DYRK2: variants seen among roughly 807,000 people sequenced by gnomAD.
DYRK2 encodes the protein dual specificity tyrosine phosphorylation regulated kinase 2, also known as dual specificity tyrosine-phosphorylation-regulated kinase 2.
Under a neutral mutation model 41.6 loss-of-function variants are expected in DYRK2, and 12 were observed. The observed-to-expected ratio is 0.29, with a 90% CI of 0.18 to 0.47. DYRK2 has a LOEUF of 0.47. Among genes scored for constraint, DYRK2 ranks in the 20% least tolerant of loss-of-function variants. The pLI is 1.00. For synonymous variants in DYRK2, 322 were observed against 315.7 expected (o/e 1.02, Z -0.21); for missense variants, 678 against 798.4 (o/e 0.85, Z 1.82).
intron 2 of DYRK2, among the ~76,000 whole-genome samples, chr12:67,654,336 C>T (rs1565803252): frequency 6.6e-6 from 1 of 152,196 alleles, no homozygotes; most frequent in Admixed American, 6.5e-5. Flanking sequence ...GCCTTGTGTT[C>T]TTACTGGTAA....
rs907929447 is a variant in DYRK2, at chr12:67,664,828, C to A, written c.*6115C>A. 2.6e-5 allele frequency: 4 copies of A among 152,042 alleles called. No individual in the cohort carries two copies. Among genetic ancestry groups the A allele is most frequent in the Non-Finnish European group, 5.9e-5 (4 of 67,976 alleles). The allele number at this position is 152,042 out of a possible 1,614,324, so 9.4% of individuals were successfully genotyped here. A position where few individuals can be genotyped will look rare whatever the true frequency, so the allele number is the denominator to read the frequency against. ...AATAACTTAATGCATGTGCACACAC[C>A]CTCAGTTAATTTGTAAGAGAGTGAC... On this transcript the variant is annotated 3_prime_UTR_variant, in exon 3 of 3. Transcript: ENST00000344096.
chr12:67,658,316 T>C lies in DYRK2; in HGVS notation c.1409T>C (p.Leu470Pro). ...GYPRYCTVTT[L>P]SDGSVVLNGG... ...CCCCGTTACTGCACTGTCACGACTC[T>C]CTCAGATGGCTCTGTGGTCCTAAAC... Residue 470 changes from leucine to proline, a missense_variant, in exon 3 of 3, where the codon CTC (leucine) becomes CCC (proline). Physicochemically the swap from Leu to Pro is moderately conservative, Grantham distance 98. Coordinates refer to ENST00000344096, the MANE Select transcript of DYRK2 (RefSeq NM_006482.3). The surrounding 1 kb of genome is among the most constrained non-coding windows in gnomAD (Gnocchi z 4.3). The C allele has an allele frequency of 6.2e-7, 1 of 1,614,186 alleles. No individual in the cohort carries two copies. Among genetic ancestry groups the C allele is most frequent in the Non-Finnish European group, 8.5e-7 (1 of 1,180,028 alleles).
chr12:67,650,107 G>C (rs1872273351), intron 2 of DYRK2, among the ~76,000 whole-genome samples, 162 bp downstream of exon 2: 1 of 152,368 alleles, frequency 6.6e-6, no homozygotes, highest in African/African-American at 2.4e-5. Context: ...CCCTGGTTAA[G>C]TTGGGCGAGC....
intron 2 of DYRK2, among the ~76,000 whole-genome samples, chr12:67,653,390 A>G (rs1054512230): frequency 6.6e-6 from 1 of 152,208 alleles, no homozygotes; most frequent in Non-Finnish European, 1.5e-5. Flanking sequence ...GAGTCCTGCA[A>G]TGTTTGAGAT....
chr12:67,649,002 G>A lies in DYRK2; in HGVS notation c.-132G>A, dbSNP rs1473506924. On this transcript the variant is annotated 5_prime_UTR_variant, in exon 1 of 3. Transcript: ENST00000344096. ...CTGTGTGTGTCTGGCTGTAGCAGAC[G>A]CGAGGCGGCGACGAGGCGCCGGGGA... 3 of 668,104 alleles carry A rather than the reference G, an allele frequency of 4.5e-6. No individual in the cohort carries two copies. Among genetic ancestry groups the A allele is most frequent in the South Asian group, 5.9e-5 (2 of 33,698 alleles). The allele number at this position is 668,104 out of a possible 1,614,324, so 41.4% of individuals were successfully genotyped here. A position where few individuals can be genotyped will look rare whatever the true frequency, so the allele number is the denominator to read the frequency against.
At chr12:67,651,611 T>C (rs530814439) in intron 2 of DYRK2, 48 of 456,086 alleles carry the variant, frequency 1.1e-4, no homozygotes, top group African/African-American at 7.8e-4. Flanking sequence ...TTTTAACGTG[T>C]GTGTAAACTT....
rs544989474 is a variant in DYRK2 at position 67,661,097 on chromosome 12, C to CT, written c.*2396dup. On this transcript the variant is annotated 3_prime_UTR_variant, in exon 3 of 3. Coordinates refer to ENST00000344096, the MANE Select transcript of DYRK2 (RefSeq NM_006482.3). Reference sequence around the variant, plus strand: ...TATAATAATGTGCAGCACTGTAGGGCTTTTTTTTTTTTCCCTCCAAATACA... The same window carrying CT: ...TATAATAATGTGCAGCACTGTAGGGCTTTTTTTTTTTTTCCCTCCAAATACA... The CT allele has an allele frequency of 4.7e-3, 734 of 154,836 alleles. No individual in the cohort carries two copies. Among genetic ancestry groups the CT allele is most frequent in the African/African-American group, 0.012 (462 of 39,374 alleles). 9.6% of individuals were successfully genotyped at this position (154,836 alleles called of 1,614,324 possible).
At chr12:67,655,780 C>A (rs750786308) in intron 2 of DYRK2, among the ~76,000 whole-genome samples, 1 of 152,198 alleles carries the variant, frequency 6.6e-6, no homozygotes, top group African/African-American at 2.4e-5. Context: ...GTTGGAATTT[C>A]ATTTTGTAAT....
At chr12:67,652,229 T>G (rs1309762352) in intron 2 of DYRK2, among the ~76,000 whole-genome samples, 2 of 152,200 alleles carry the variant, frequency 1.3e-5, no homozygotes, top group African/African-American at 4.8e-5. Context: ...TGTTTTACAC[T>G]TTAGTTATTT....
chr12:67,650,933 C>T (rs1872303986), intron 2 of DYRK2, among the ~76,000 whole-genome samples: 1 of 152,152 alleles, frequency 6.6e-6, no homozygotes, highest in Non-Finnish European at 1.5e-5. Flanking sequence ...AGGCCATCTC[C>T]GGTCTACAGG....
rs959655334 is a variant in DYRK2, at chr12:67,660,851, C to T, written c.*2138C>T. 2 of 166,816 alleles carry T rather than the reference C, an allele frequency of 1.2e-5. No homozygotes were observed. Among genetic ancestry groups the T allele is most frequent in the African/African-American group, 4.8e-5 (2 of 41,424 alleles). The allele number at this position is 166,816 out of a possible 1,614,324, so 10.3% of individuals were successfully genotyped here. A position where few individuals can be genotyped will look rare whatever the true frequency, so the allele number is the denominator to read the frequency against. The stretch of plus-strand genomic sequence containing the variant: ...AATGCTGTTTTGCTCTTCTAATGCT[C>T]CTCTTCCATTTCCAGTTATCTTCAC... On this transcript the variant is annotated 3_prime_UTR_variant, in exon 3 of 3. Transcript: ENST00000344096.
chr12:67,649,883 C>T lies in DYRK2; in HGVS notation c.136C>T (p.Pro46Ser), dbSNP rs1312883630. ...CACCCGGAGCGGAGTGGGGACTGGC[C>T]CGCCCTCCCCCATCGCCCTGCCGCC... ...GATRSGVGTG[P>S]PSPIALPPLR... is the part of the protein sequence containing the mutation. The change falls in exon 2 of 3, where the codon CCG becomes TCG. Residue 46 changes from proline (P) to serine (S), a missense_variant. Pro to Ser is a moderately conservative substitution (Grantham distance 74). Coordinates refer to ENST00000344096, the MANE Select transcript of DYRK2 (RefSeq NM_006482.3). The T allele has an allele frequency of 7.2e-7, 1 of 1,379,672 alleles. No individual in the cohort carries two copies. Among genetic ancestry groups the T allele is most frequent in the Non-Finnish European group, 9.3e-7 (1 of 1,070,270 alleles). The allele number at this position is 1,379,672 out of a possible 1,614,324, so 85.5% of individuals were successfully genotyped here. A position where few individuals can be genotyped will look rare whatever the true frequency, so the allele number is the denominator to read the frequency against.
rs1188235636 is a variant in DYRK2, at chr12:67,659,171, A to G, written c.*458A>G. 6.0e-6 allele frequency: 1 copy of G among 167,494 alleles called. No homozygotes were observed. Among genetic ancestry groups the G allele is most frequent in the Non-Finnish European group, 1.5e-5 (1 of 68,458 alleles). The allele number at this position is 167,494 out of a possible 1,614,324, so 10.4% of individuals were successfully genotyped here. A position where few individuals can be genotyped will look rare whatever the true frequency, so the allele number is the denominator to read the frequency against. On this transcript the variant is annotated 3_prime_UTR_variant, in exon 3 of 3. Coordinates refer to ENST00000344096, the MANE Select transcript of DYRK2 (RefSeq NM_006482.3). ...CATGTCCTGCTTCCGTTTTTCATAA[A>G]TTAATCTGGGTGTTGGGGGTAGTGG...
chr12:67,657,890 T>G lies in DYRK2; in HGVS notation c.983T>G (p.Phe328Cys). Reference protein sequence around the residue: ...QGFSLPLVRKFAHSILQCLDA... With the variant: ...QGFSLPLVRKCAHSILQCLDA... ...TTCAGTCTGCCTTTGGTTCGCAAGT[T>G]TGCCCACTCGATTCTGCAGTGCTTG... The change falls in exon 3 of 3, where the codon TTT becomes TGT. Residue 328 changes from phenylalanine to cysteine, a missense_variant. Coordinates refer to ENST00000344096, the MANE Select transcript of DYRK2 (RefSeq NM_006482.3). The surrounding 1 kb of genome is among the most constrained non-coding windows in gnomAD (Gnocchi z 4.8). 6.2e-7 allele frequency: 1 copy of G among 1,614,228 alleles called. No individual in the cohort carries two copies. The highest frequency in any genetic ancestry group is 2.2e-5 in the East Asian group (1 of 44,888).
At chr12:67,655,643 A>G (rs765458162) in intron 2 of DYRK2, among the ~76,000 whole-genome samples, 9 of 152,208 alleles carry the variant, frequency 5.9e-5, no homozygotes, top group Non-Finnish European at 1.3e-4. Context: ...ACAGGCCCCA[A>G]GTATTGTCTT....
At position 67,650,239 on chromosome 12, in the gene DYRK2, A is replaced by C. The variant is rs539325735; in HGVS notation, c.198+294A>C. 2.6e-5 allele frequency among the ~76,000 whole-genome samples: 4 copies of C among 151,752 alleles called. No homozygotes were observed. In the South Asian group the frequency reaches 8.4e-4, roughly 32 times the overall value. On this transcript the variant is annotated intron_variant, in intron 2 of 2. Transcript: ENST00000344096. ...TCCTTGCTGCTTTCCTTCTTTCCTC[A>C]TTTTTCGTCCTTGCATCCCAGAGTT...
chr12:67,664,735 G>A lies in DYRK2; in HGVS notation c.*6022G>A, dbSNP rs1872705187. ...TATTTAAGTTACATATCAGTTTCCA[G>A]GAATATTTTTCAAATGGGACAAACT... On this transcript the variant is annotated 3_prime_UTR_variant, in exon 3 of 3. Transcript: ENST00000344096. 1 of 152,128 alleles carries A rather than the reference G, an allele frequency of 6.6e-6. No individual in the cohort carries two copies. The highest frequency in any genetic ancestry group is 1.9e-4 in the East Asian group (1 of 5,196). 9.4% of individuals were successfully genotyped at this position (152,128 alleles called of 1,614,324 possible). A position where few individuals can be genotyped will look rare whatever the true frequency, so the allele number is the denominator to read the frequency against.
At chr12:67,649,254 G>A in intron 1 of DYRK2, 72 bp downstream of exon 1, 1 of 1,205,328 alleles carries the variant, frequency 8.3e-7, no homozygotes, top group Non-Finnish European at 1.0e-6. Context: ...TGGCGCGGGC[G>A]GCCGCTGCCT....
At chr12:67,656,632 C>T (rs928642554) in intron 2 of DYRK2, among the ~76,000 whole-genome samples, 5 of 152,210 alleles carry the variant, frequency 3.3e-5, no homozygotes, top group East Asian at 3.9e-4. Flanking sequence ...CAGGATAGAG[C>T]TCTAGGTATT....
Sources: gnomAD v4.1 joint callset for allele counts (sites outside exome capture counted in the v4.1 genomes callset) on GRCh38, gnomAD v4.1.1 for gene constraint, Gnocchi (gnomAD v3.1) non-coding constraint, MANE v1.5 for transcripts, NCBI Gene and HGNC (gene_info 2026-07-23, HGNC 2026-07-21) for gene names.